STS: variants seen among roughly 807,000 people sequenced by gnomAD.
STS encodes steroid sulfatase, also known as steryl-sulfatase.
Under a neutral mutation model 26.8 loss-of-function variants are expected in STS, and 7 were observed. The observed-to-expected ratio is 0.26, with a 90% CI of 0.15 to 0.49. STS has a LOEUF of 0.49. Among genes scored for constraint, STS ranks in the 20% least tolerant of loss-of-function variants. The pLI, the probability that STS is intolerant of heterozygous loss-of-function variation, is 0.98. For synonymous variants in STS, 199 were observed against 189.4 expected (o/e 1.05, Z -0.42); for missense variants, 434 against 465.6 (o/e 0.93, Z 0.63).
At chrX:7,210,533 TAAA>T (rs1351214498) in intron 2 of STS, among the ~76,000 whole-genome samples, 1 of 107,379 alleles carries the variant, frequency 9.3e-6, no homozygotes, top group African/African-American at 3.3e-5. Flanking sequence ...GTATGTATAA[TAAA>T]TAATAAACAC....
chrX:7,258,365 C>T (rs1923552376), intron 5 of STS, among the ~76,000 whole-genome samples: 1 of 110,175 alleles, frequency 9.1e-6, no homozygotes, highest in Non-Finnish European at 1.9e-5. Flanking sequence ...GATAATGAGG[C>T]AATTGGATGG....
At chrX:7,222,788 G>T (rs1033829324) in intron 2 of STS, among the ~76,000 whole-genome samples, 1 of 111,196 alleles carries the variant, frequency 9.0e-6, no homozygotes, top group African/African-American at 3.3e-5. Flanking sequence ...GGGGGTACAA[G>T]TATAATTTTG....
At chrX:7,161,819 CTT>C (rs1176007164) in intron 1 of STS, among the ~76,000 whole-genome samples, 2 of 111,702 alleles carry the variant, frequency 1.8e-5, no homozygotes, top group African/African-American at 3.3e-5. Context: ...TGTAGGTACT[CTT>C]TGTCTCAAGG....
At chrX:7,303,320 T>A (rs1479259185) in intron 7 of STS, among the ~76,000 whole-genome samples, 1 of 111,380 alleles carries the variant, frequency 9.0e-6, no homozygotes, top group African/African-American at 3.3e-5. Context: ...CAGTCTCGGG[T>A]GTGTCTTTAT....
chrX:7,347,624 T>C (rs1337652253), intron 10 of STS, among the ~76,000 whole-genome samples: 1 of 111,321 alleles, frequency 9.0e-6, no homozygotes, highest in African/African-American at 3.3e-5. Context: ...TACAGGCTCT[T>C]TACATGAATT....
intron 7 of STS, among the ~76,000 whole-genome samples, chrX:7,288,190 G>A (rs1925232969): frequency 9.5e-6 from 1 of 105,483 alleles, no homozygotes; most frequent in African/African-American, 3.5e-5. Flanking sequence ...TATTTAAAGA[G>A]TCTTTTGCAA....
chrX:7,347,623 T>A (rs182033217), intron 10 of STS, among the ~76,000 whole-genome samples: 1 of 111,476 alleles, frequency 9.0e-6, no homozygotes. Context: ...ATACAGGCTC[T>A]TTACATGAAT....
intron 7 of STS, among the ~76,000 whole-genome samples, chrX:7,292,455 C>G (rs189927806): frequency 5.3e-5 from 6 of 112,342 alleles, no homozygotes; most frequent in African/African-American, 1.9e-4. Context: ...GTGTTACTGC[C>G]TGGATCCACA....
At chrX:7,319,968 TTATATATATG>T (rs1328004189) in intron 8 of STS, among the ~76,000 whole-genome samples, 1,700 of 87,510 alleles carry the variant, frequency 0.019, 45 homozygotes, top group African/African-American at 0.074. Context: ...TATATATATT[TTATATATATG>T]TATATATATT....
chrX:7,254,324 G>A (rs1923292408), intron 3 of STS, among the ~76,000 whole-genome samples: 1 of 111,832 alleles, frequency 8.9e-6, no homozygotes, highest in Non-Finnish European at 1.9e-5. Context: ...CTCTCCCTCT[G>A]CGTAAAATCA....
chrX:7,151,987 C>G (rs1261369052), intron 1 of STS, among the ~76,000 whole-genome samples: 1 of 111,482 alleles, frequency 9.0e-6, no homozygotes, highest in East Asian at 2.8e-4. Context: ...GAGTCTCACT[C>G]TTTCGCCCAG....
At chrX:7,191,245 A>G (rs1237720010) in intron 2 of STS, among the ~76,000 whole-genome samples, 1 of 112,197 alleles carries the variant, frequency 8.9e-6, no homozygotes, top group African/African-American at 3.2e-5. Context: ...ATATATTTTT[A>G]TAGAGAAAGA....
intron 2 of STS, among the ~76,000 whole-genome samples, chrX:7,208,351 A>T (rs1256875364): frequency 8.9e-6 from 1 of 112,576 alleles, no homozygotes; most frequent in Non-Finnish European, 1.9e-5. Flanking sequence ...CAGTTTACAG[A>T]TATAATTCCA....
intron 8 of STS, among the ~76,000 whole-genome samples, chrX:7,314,713 C>A (rs1019637518): frequency 3.5e-4 from 39 of 112,549 alleles, no homozygotes; most frequent in African/African-American, 1.1e-3. Context: ...AGATTGTGAT[C>A]CCGTAATGGG....
chrX:7,162,499 G>C (rs1933264270), intron 1 of STS, among the ~76,000 whole-genome samples: 1 of 110,590 alleles, frequency 9.0e-6, no homozygotes, highest in Non-Finnish European at 1.9e-5. Flanking sequence ...TCCTCTTGGC[G>C]GTTCCAAGAC....
chrX:7,312,056 A>C (rs1926504451), intron 8 of STS, among the ~76,000 whole-genome samples: 2 of 110,026 alleles, frequency 1.8e-5, no homozygotes, highest in South Asian at 4.3e-4. Context: ...CAGAACAAAA[A>C]ACCACTCCAA....
intron 2 of STS, among the ~76,000 whole-genome samples, chrX:7,215,032 T>C (rs1921227051): frequency 1.5e-5 from 1 of 67,652 alleles, no homozygotes; most frequent in African/African-American, 4.9e-5. Flanking sequence ...ATTATATATG[T>C]ATATATATAC....
intron 3 of STS, 97 bp from the exon 4 acceptor site, chrX:7,257,145 A>T (rs1328173547): frequency 2.7e-6 from 3 of 1,127,906 alleles, no homozygotes; most frequent in Non-Finnish European, 3.6e-6. Flanking sequence ...GCGCCACTGC[A>T]CTCCAGCCTG....
intron 7 of STS, 101 bp from the exon 8 acceptor site, chrX:7,304,945 A>T: frequency 1.0e-6 from 1 of 993,393 alleles, no homozygotes; most frequent in Non-Finnish European, 1.4e-6. Context: ...AAGAACGTTT[A>T]CTTCCACCTT....
Sources: allele counts gnomAD v4.1 joint callset (sites outside exome capture counted in the v4.1 genomes callset), GRCh38; gene constraint gnomAD v4.1.1; transcripts MANE v1.5; gene names NCBI Gene and HGNC (gene_info 2026-07-23, HGNC 2026-07-21).